ABL1: variants seen among roughly 807,000 people sequenced by gnomAD.
ABL1 encodes tyrosine-protein kinase ABL1.
ABL1 carries 11 observed loss-of-function variants against 94.7 expected under a neutral mutation model. The ratio of observed to expected loss-of-function variants is 0.12; its 90% CI spans 0.07 to 0.19. The LOEUF (loss-of-function observed/expected upper bound fraction) is 0.19. ABL1 is among the 10% of genes least tolerant of loss of function. The pLI is 1.00. For synonymous variants in ABL1, 656 were observed against 622.4 expected (o/e 1.05, Z -0.80); for missense variants, 1,082 against 1,489.4 (o/e 0.73, Z 4.50).
At chr9:130,818,893 A>G (rs1830323485) in intron 1 of ABL1, among the ~76,000 whole-genome samples, 1 of 152,238 alleles carries the variant, frequency 6.6e-6, no homozygotes. Context: ...TTCTCCCCCA[A>G]GAACGCTTTC....
intron 1 of ABL1, among the ~76,000 whole-genome samples, chr9:130,729,592 A>AGCCTT (rs1831635180): frequency 2.6e-5 from 4 of 152,324 alleles, no homozygotes; most frequent in Non-Finnish European, 5.9e-5. Flanking sequence ...CAAGGGTCAC[A>AGCCTT]GCCTTGCCTT....
intron 10 of ABL1, among the ~76,000 whole-genome samples, chr9:130,883,324 C>T (rs35575906): frequency 0.044 from 6,731 of 152,152 alleles, 270 homozygotes; most frequent in African/African-American, 0.098. Flanking sequence ...ATGGTGAAAC[C>T]CCGTCTCTAC....
At chr9:130,804,240 T>C (rs1830093999) in intron 1 of ABL1, among the ~76,000 whole-genome samples, 1 of 151,870 alleles carries the variant, frequency 6.6e-6, no homozygotes, top group Non-Finnish European at 1.5e-5. Context: ...GCGCCTGTAG[T>C]ACCAGCTACC....
At chr9:130,881,083 C>T (rs35698031) in intron 10 of ABL1, among the ~76,000 whole-genome samples, 4,195 of 152,344 alleles carry the variant, frequency 0.028, 201 homozygotes, top group African/African-American at 0.095. Flanking sequence ...AACCAGGACA[C>T]GCACATGGAC....
chr9:130,882,189 C>T (rs1831468623), intron 10 of ABL1, among the ~76,000 whole-genome samples: 2 of 152,044 alleles, frequency 1.3e-5, no homozygotes. Flanking sequence ...TATTAAGAAC[C>T]CAGTGATCAG....
rs141072111 is a variant in ABL1, at chr9:130,854,898, G to A, written c.351G>A (p.Thr117=). 848 of 1,614,186 alleles carry A rather than the reference G, an allele frequency of 5.3e-4. No individual in the cohort carries two copies. The highest frequency in any genetic ancestry group is 5.4e-4 in the Non-Finnish European group (642 of 1,180,038). Residue 117 remains threonine (T), a synonymous_variant, in exon 3 of 11, where the codon ACG becomes ACA. Coordinates refer to ENST00000318560, the MANE Select transcript of ABL1 (RefSeq NM_005157.6). ...GCTGGGTCCCAAGCAACTACATCAC[G>A]CCAGTCAACAGTCTGGAGAAACACT... ...GQGWVPSNYI[T]PVNSLEKHSW... is the part of the protein sequence containing the mutation.
chr9:130,838,270 C>A, intron 1 of ABL1, among the ~76,000 whole-genome samples: 1 of 119,568 alleles, frequency 8.4e-6, no homozygotes, highest in Non-Finnish European at 1.7e-5. Flanking sequence ...GGATGCTCTA[C>A]TGATGTCTCT....
chr9:130,828,394 A>AT (rs1830454805), intron 1 of ABL1, among the ~76,000 whole-genome samples: 1 of 152,248 alleles, frequency 6.6e-6, no homozygotes, highest in Non-Finnish European at 1.5e-5. Context: ...TATTAAAAAC[A>AT]TTATAGCCCA....
chr9:130,808,579 G>A (rs1402905282), intron 1 of ABL1, among the ~76,000 whole-genome samples: 3 of 152,118 alleles, frequency 2.0e-5, no homozygotes, highest in African/African-American at 4.8e-5. Flanking sequence ...GGGCAGGTAG[G>A]TAGGTAGGCA....
chr9:130,854,543 A>G (rs1033854644), intron 2 of ABL1, among the ~76,000 whole-genome samples: 5 of 152,234 alleles, frequency 3.3e-5, no homozygotes, highest in African/African-American at 1.2e-4. Flanking sequence ...TATATTAGGA[A>G]CAGAGCACTT....
At chr9:130,791,573 G>A (rs1829908979) in intron 1 of ABL1, among the ~76,000 whole-genome samples, 1 of 152,116 alleles carries the variant, frequency 6.6e-6, no homozygotes, top group Non-Finnish European at 1.5e-5. Flanking sequence ...GGCAGAAGAA[G>A]GTGGGATAAG....
chr9:130,781,104 G>A lies in ABL1; in HGVS notation c.136+66649G>A, dbSNP rs566669639. 2.6e-5 allele frequency among the ~76,000 whole-genome samples: 4 copies of A among 152,302 alleles called. No homozygotes were observed. The South Asian group carries it at 8.3e-4, about 32-fold the overall frequency. On this transcript the variant is annotated intron_variant, in intron 1 of 10. Transcript: ENST00000372348. ...ACGCAGTCCCAAGAGAGCAGTAATG[G>A]CCCCAAACAGAAACTTGGAATGAAA...
chr9:130,849,206 T>C (rs945398987), intron 1 of ABL1, among the ~76,000 whole-genome samples: 5 of 152,246 alleles, frequency 3.3e-5, no homozygotes, highest in African/African-American at 1.2e-4. Context: ...TTATCCTGTG[T>C]TGATAGATAT....
At chr9:130,745,168 T>G (rs1831872579) in intron 1 of ABL1, among the ~76,000 whole-genome samples, 1 of 148,164 alleles carries the variant, frequency 6.7e-6, no homozygotes, top group Admixed American at 6.8e-5. Context: ...TACTGCAACC[T>G]CCACCTCCTG....
At chr9:130,727,294 T>A (rs1224576937) in intron 1 of ABL1, among the ~76,000 whole-genome samples, 2 of 151,578 alleles carry the variant, frequency 1.3e-5, no homozygotes, top group African/African-American at 2.4e-5. Flanking sequence ...CTTGAACTCC[T>A]GAGCTCAAGC....
At chr9:130,859,474 G>A (rs928397384) in intron 3 of ABL1, among the ~76,000 whole-genome samples, 3 of 151,724 alleles carry the variant, frequency 2.0e-5, no homozygotes, top group African/African-American at 4.8e-5. Context: ...GCTTTGGACC[G>A]TTCTTGTGTA....
At chr9:130,805,354 A>G (rs1215450585) in intron 1 of ABL1, among the ~76,000 whole-genome samples, 7 of 152,326 alleles carry the variant, frequency 4.6e-5, no homozygotes, top group Admixed American at 1.3e-4. Context: ...CTGGGATAAC[A>G]GGCATGAGCC....
At chr9:130,844,491 ATT>A (rs35174185) in intron 1 of ABL1, among the ~76,000 whole-genome samples, 2,027 of 149,536 alleles carry the variant, frequency 0.014, 16 homozygotes, top group Non-Finnish European at 0.021. Flanking sequence ...AGGTGACACA[ATT>A]TTTTTTTTTT....
intron 1 of ABL1, among the ~76,000 whole-genome samples, chr9:130,769,982 G>A (rs1939743565): frequency 6.6e-6 from 1 of 152,060 alleles, no homozygotes; most frequent in African/African-American, 2.4e-5. Context: ...CAATATAATG[G>A]GTGAGGAGTC....
Sources: gnomAD v4.1 joint callset for allele counts (sites outside exome capture counted in the v4.1 genomes callset) on GRCh38, gnomAD v4.1.1 for gene constraint, MANE v1.5 for transcripts, NCBI Gene and HGNC (gene_info 2026-07-23, HGNC 2026-07-21) for gene names.